NF1: variants seen among roughly 807,000 people sequenced by gnomAD.
NF1 encodes neurofibromin 1, also known as neurofibromin.
A neutral mutation model predicts 325.7 loss-of-function variants in NF1; 122 were observed. The observed-to-expected ratio is 0.37, with a 90% CI of 0.32 to 0.44. NF1 has a LOEUF of 0.44. Ranked by LOEUF, NF1 falls within the 20% of genes least tolerant of loss-of-function variation. The pLI is 1.00. For missense variants in NF1, 2,140 were observed against 3,415.4 expected (o/e 0.63, Z 9.31); for synonymous variants, 1,091 against 1,186.0 (o/e 0.92, Z 1.65).
chr17:31,343,273 G>GA, intron 48 of NF1, 138 bp downstream of exon 48: 3 of 822,592 alleles, frequency 3.6e-6, no homozygotes, highest in Non-Finnish European at 5.8e-6. Flanking sequence ...GGCCAGGCGT[G>GA]GTGGCTCACG....
In NF1 at chr17:31,337,872, A is replaced by C. The variant is rs1265616273; in HGVS notation, c.6696A>C (p.Leu2232=). The part of the protein sequence containing the change: ...TCKWLDQWTE[L]AQRFAFQYNP... ...AGTGGCTGGACCAGTGGACAGAACT[A>C]GCTCAAAGGTATGTCCTAAATTAAA... Residue 2232 remains leucine (L), a synonymous_variant, in exon 44 of 58, where the codon CTA becomes CTC. Coordinates refer to ENST00000358273, the MANE Select transcript of NF1 (RefSeq NM_001042492.3). The C allele has an allele frequency of 4.3e-6, 7 of 1,613,814 alleles. No homozygotes were observed. The highest frequency in any genetic ancestry group is 1.7e-4 in the Middle Eastern group (1 of 6,060).
At chr17:31,122,930 T>A (rs1914559953) in intron 1 of NF1, among the ~76,000 whole-genome samples, 2 of 152,176 alleles carry the variant, frequency 1.3e-5, no homozygotes, top group African/African-American at 4.8e-5. Context: ...CATCTTTCTT[T>A]TTTTTAATGA....
At chr17:31,191,381 A>G (rs1359085560) in intron 8 of NF1, among the ~76,000 whole-genome samples, 2 of 152,192 alleles carry the variant, frequency 1.3e-5, no homozygotes. Flanking sequence ...AAACAGCCCA[A>G]ATGTCCCTCA....
In NF1 at chr17:31,225,093, A is replaced by G. The variant is rs1567846609; in HGVS notation, c.1846-2A>G. 5 of 1,613,398 alleles carry G rather than the reference A, an allele frequency of 3.1e-6. No individual in the cohort carries two copies. Among genetic ancestry groups the G allele is most frequent in the Non-Finnish European group, 4.2e-6 (5 of 1,179,590 alleles). On this transcript the variant is annotated splice_acceptor_variant, in intron 16 of 57. Transcript: ENST00000358273. LOFTEE classifies it high-confidence loss of function. ...AAAGCTTATTTATTTATTTTTTTCT[A>G]GCAGGCAGATAGAAGTTCCTGTCAC...
chr17:31,304,788 G>C, intron 36 of NF1: 1 of 1,613,970 alleles, frequency 6.2e-7, no homozygotes, highest in East Asian at 2.2e-5. Context: ...TTGGTTTCCA[G>C]GGTGTAAGTG....
At position 31,266,546 on chromosome 17, in the gene NF1, G is replaced by A. The variant is rs17886780; in HGVS notation, c.4835+1207G>A. On this transcript the variant is annotated intron_variant, in intron 36 of 57. Coordinates refer to ENST00000358273, the MANE Select transcript of NF1 (RefSeq NM_001042492.3). ...ATTGCCTAAGATCATTTTAATTTTC[G>A]TTTGCGTTTGAGATGAACCATATTT... is the stretch of plus-strand genomic sequence containing the variant. Among the ~76,000 whole-genome samples the A allele has an allele frequency of 4.5e-3, 679 of 152,038 alleles. 6 individuals are homozygous for A. Among genetic ancestry groups the A allele is most frequent in the African/African-American group, 0.016 (646 of 41,442 alleles).
intron 14 of NF1, among the ~76,000 whole-genome samples, chr17:31,220,815 G>T (rs917509290): frequency 4.6e-5 from 7 of 151,988 alleles, no homozygotes; most frequent in African/African-American, 1.7e-4. Flanking sequence ...TAGAGAATTT[G>T]TCACTTAAAA....
At chr17:31,125,610 C>T (rs540089256) in intron 1 of NF1, among the ~76,000 whole-genome samples, 8 of 152,034 alleles carry the variant, frequency 5.3e-5, no homozygotes, top group Non-Finnish European at 1.2e-4. Context: ...GATCTGGACT[C>T]ACTGCAACCT....
chr17:31,295,338 C>A (rs1157644517), intron 36 of NF1: 3 of 1,614,054 alleles, frequency 1.9e-6, no homozygotes, highest in Non-Finnish European at 2.5e-6. Flanking sequence ...GGATAGGGCA[C>A]AAAAGCCTTA....
chr17:31,240,119 T>G (rs986452775), intron 29 of NF1, among the ~76,000 whole-genome samples: 1 of 152,188 alleles, frequency 6.6e-6, no homozygotes, highest in African/African-American at 2.4e-5. Context: ...GATTTTTAAA[T>G]GTACAATAAG....
chr17:31,242,955 A>G (rs1209678460), intron 29 of NF1, among the ~76,000 whole-genome samples: 1 of 152,170 alleles, frequency 6.6e-6, no homozygotes, highest in Non-Finnish European at 1.5e-5. Context: ...CAAGTATTTG[A>G]AGGCACTTGG....
At chr17:31,224,982 T>C (rs2066987023) in intron 16 of NF1, 113 bp from the exon 17 acceptor site, 5 of 1,084,318 alleles carry the variant, frequency 4.6e-6, no homozygotes, top group Middle Eastern at 2.8e-4. Context: ...GGCATAGAGA[T>C]TGAGAGGAGA....
chr17:31,120,647 A>G (rs1479451128), intron 1 of NF1, among the ~76,000 whole-genome samples: 1 of 152,084 alleles, frequency 6.6e-6, no homozygotes, highest in Non-Finnish European at 1.5e-5. Context: ...ACTATGTTGT[A>G]TAGGAGTGGT....
rs77960800 is a variant in NF1 at position 31,152,174 on chromosome 17, T to G, written c.61-3809T>G. Among the ~76,000 whole-genome samples, 315 of 151,552 alleles carry G rather than the reference T, an allele frequency of 2.1e-3. 2 individuals are homozygous for G. Among genetic ancestry groups the G allele is most frequent in the African/African-American group, 7.4e-3 (308 of 41,398 alleles). Reference sequence around the variant, plus strand: ...CAAAGTCTGATGAGAGTCTAATTTTTGGGTTTTTTTTGTATAAATAATGTC... The same window carrying G: ...CAAAGTCTGATGAGAGTCTAATTTTGGGGTTTTTTTTGTATAAATAATGTC... On this transcript the variant is annotated intron_variant, in intron 1 of 57. Transcript: ENST00000358273.
chr17:31,151,705 T>A (rs1363888554), intron 1 of NF1, among the ~76,000 whole-genome samples: 1 of 152,202 alleles, frequency 6.6e-6, no homozygotes, highest in Non-Finnish European at 1.5e-5. Context: ...AAATAGTTGT[T>A]ATACACTATT....
intron 1 of NF1, among the ~76,000 whole-genome samples, chr17:31,152,244 C>T (rs1258120633): frequency 4.0e-5 from 6 of 151,420 alleles, no homozygotes; most frequent in African/African-American, 7.3e-5. Context: ...TTCTTGTTCA[C>T]GGAAGTTCAA....
At chr17:31,260,869 T>C (rs1205807402) in intron 34 of NF1, among the ~76,000 whole-genome samples, 1 of 152,182 alleles carries the variant, frequency 6.6e-6, no homozygotes. Context: ...AGGAATTCAG[T>C]AATTAAAATA....
At chr17:31,327,875 G>T (rs1161038024) in intron 38 of NF1, 36 bp downstream of exon 38, 1 of 1,582,330 alleles carries the variant, frequency 6.3e-7, no homozygotes, top group South Asian at 1.1e-5. Context: ...TTTGATTTGG[G>T]GTTTGTTGCT....
rs2151537479 is a variant in NF1, at chr17:31,325,823, C to G, written c.4839C>G (p.Phe1613Leu). 1 of 1,613,678 alleles carries G rather than the reference C, an allele frequency of 6.2e-7. No homozygotes were observed. Among genetic ancestry groups the G allele is most frequent in the Non-Finnish European group, 8.5e-7 (1 of 1,179,714 alleles). The change falls in exon 37 of 58, where the codon TTC (phenylalanine) becomes TTG (leucine). Residue 1613 changes from phenylalanine (F) to leucine (L), a missense_variant. By Grantham distance (22) the Phe-to-Leu change is conservative. Transcript: ENST00000358273. ...NPIFYYVARR[F>L]KTGQINGDLL... is the part of the protein sequence containing the mutation. ...TCTTTTTTGTCATTTTCCTTAGGTT[C>G]AAAACTGGTCAAATCAATGGTGATT...
Sources: allele counts gnomAD v4.1 joint callset (sites outside exome capture counted in the v4.1 genomes callset), GRCh38; gene constraint gnomAD v4.1.1; transcripts MANE v1.5; gene names NCBI Gene and HGNC (gene_info 2026-07-23, HGNC 2026-07-21).